MRPL49: variants seen among roughly 807,000 people sequenced by gnomAD.
MRPL49 encodes large ribosomal subunit protein mL49.
In MRPL49, 14 loss-of-function variants were observed where a neutral mutation model predicts 18.4. The observed-to-expected ratio is 0.76, with a 90% confidence interval of 0.50 to 1.19. The LOEUF is 1.19. MRPL49 is among the 50% of genes most tolerant of loss of function. The probability of loss-of-function intolerance (pLI) is 0.00; values close to 1 mark genes in which losing one functional copy is unlikely to be tolerated. For synonymous variants in MRPL49, 104 were observed against 86.2 expected (o/e 1.21, Z -1.14); for missense variants, 190 against 217.8 (o/e 0.87, Z 0.80).
chr11:65,125,831 G>A lies in MRPL49; in HGVS notation c.460G>A (p.Asp154Asn). ...TGTLRIKGYF[D>N]QELKAWLLEK... ...TACCCTACGGATCAAGGGCTACTTT[G>A]ACCAGGAGCTTAAAGCCTGGCTCTT... The change falls in exon 4 of 4, where the codon GAC becomes AAC. Residue 154 changes from aspartate to asparagine, a missense_variant. Transcript: ENST00000279242. 6.2e-7 allele frequency: 1 copy of A among 1,611,170 alleles called. No individual in the cohort carries two copies. The highest frequency in any genetic ancestry group is 8.5e-7 in the Non-Finnish European group (1 of 1,178,952).
Position 65,125,972 on chromosome 11 carries a change from T to C in MRPL49, c.*100T>C. On this transcript the variant is annotated 3_prime_UTR_variant, in exon 4 of 4. Transcript: ENST00000279242. The stretch of plus-strand genomic sequence containing the variant: ...GTGTTGGAGCCCCTGAGACAGGGGA[T>C]ACAGAAACTAGGGCTAAAGGACTTT... The C allele has an allele frequency of 7.1e-7, 1 of 1,415,248 alleles. No homozygotes were observed. The highest frequency in any genetic ancestry group is 2.4e-5 in the Admixed American group (1 of 42,094). The allele number at this position is 1,415,248 out of a possible 1,614,324, so 87.7% of individuals were successfully genotyped here. A position where few individuals can be genotyped will look rare whatever the true frequency, so the allele number is the denominator to read the frequency against.
upstream of MRPL49, chr11:65,122,286 C>G: frequency 3.8e-6 from 6 of 1,576,742 alleles, no homozygotes; most frequent in Non-Finnish European, 5.2e-6. Flanking sequence ...GCAGGCAGCT[C>G]GCGCAGGACG....
chr11:65,125,297 T>C (rs1273085704), intron 2 of MRPL49, 191 bp from the exon 3 acceptor site: 5 of 618,466 alleles, frequency 8.1e-6, no homozygotes, highest in Non-Finnish European at 1.4e-5. Context: ...TGTGGGGCCT[T>C]AGGGTACCAG....
At chr11:65,124,011 C>T (rs1485522661) in intron 1 of MRPL49, among the ~76,000 whole-genome samples, 2 of 152,020 alleles carry the variant, frequency 1.3e-5, no homozygotes, top group Admixed American at 1.3e-4. Flanking sequence ...CCTCAGCCTC[C>T]CAAGTAGCTG....
chr11:65,125,382 G>C, intron 2 of MRPL49, 106 bp from the exon 3 acceptor site: 2 of 1,488,834 alleles, frequency 1.3e-6, no homozygotes, highest in South Asian at 2.4e-5. Context: ...AGGTGGCTTG[G>C]TCCAGCTGGG....
intron 2 of MRPL49, 80 bp from the exon 3 acceptor site, chr11:65,125,408 C>T: frequency 1.3e-6 from 2 of 1,583,216 alleles, no homozygotes; most frequent in Non-Finnish European, 1.7e-6. Context: ...TGGCCCTCTG[C>T]AGACTGAGAG....
chr11:65,125,812 A>G lies in MRPL49; in HGVS notation c.441A>G (p.Leu147=). Residue 147 remains leucine (L), a synonymous_variant, in exon 4 of 4, where the codon CTA becomes CTG. Transcript: ENST00000279242. ...AGGTCAATGAGGTGACAGGTACCCT[A>G]CGGATCAAGGGCTACTTTGACCAGG... The part of the protein sequence containing the change: ...VTQVNEVTGT[L]RIKGYFDQEL... 2.5e-6 allele frequency: 4 copies of G among 1,612,592 alleles called. No homozygotes were observed. The highest frequency in any genetic ancestry group is 3.4e-6 in the Non-Finnish European group (4 of 1,179,822).
Position 65,125,429 on chromosome 11 carries a change from G to C in MRPL49, c.230-59G>C, listed in dbSNP as rs1948089844. 1.9e-6 allele frequency: 3 copies of C among 1,608,290 alleles called. No homozygotes were observed. The South Asian group carries it at 3.3e-5, about 18-fold the overall frequency. ...TCTGCAGACTGAGAGCAAGGGCCTT[G>C]GCTGAGGTGGGATGGCACGTAGGAA... On this transcript the variant is annotated intron_variant, in intron 2 of 3. Coordinates refer to ENST00000279242, the MANE Select transcript of MRPL49 (RefSeq NM_004927.4).
chr11:65,126,896 C>T lies in MRPL49; in HGVS notation c.*1024C>T, dbSNP rs1166422087. On this transcript the variant is annotated 3_prime_UTR_variant, in exon 4 of 4. Transcript: ENST00000279242. ...GCAATCAAGGCTGGGGAGGGGTTTG[C>T]AGGCAGGAATATGCTGACCTTTCAC... 1.3e-5 allele frequency: 8 copies of T among 604,720 alleles called. No homozygotes were observed. The highest frequency in any genetic ancestry group is 2.4e-5 in the Non-Finnish European group (8 of 335,436). 37.5% of individuals were successfully genotyped at this position (604,720 alleles called of 1,614,324 possible).
At chr11:65,124,397 A>G in intron 1 of MRPL49, 105 bp from the exon 2 acceptor site, 1 of 1,160,056 alleles carries the variant, frequency 8.6e-7, no homozygotes, top group East Asian at 2.4e-5. Flanking sequence ...CCTTTTATTT[A>G]TGTCATTCTC....
In MRPL49 at chr11:65,125,996, T is replaced by C; in HGVS notation, c.*124T>C. 1 of 1,209,618 alleles carries C rather than the reference T, an allele frequency of 8.3e-7. No individual in the cohort carries two copies. The highest frequency in any genetic ancestry group is 1.1e-6 in the Non-Finnish European group (1 of 872,746). 74.9% of individuals were successfully genotyped at this position (1,209,618 alleles called of 1,614,324 possible). A position where few individuals can be genotyped will look rare whatever the true frequency, so the allele number is the denominator to read the frequency against. On this transcript the variant is annotated 3_prime_UTR_variant, in exon 4 of 4. Transcript: ENST00000279242. ...ATACAGAAACTAGGGCTAAAGGACTTTGGGGTCAGGCCTTGCTTGCATAAA... is the reference window on the plus strand; with the variant it reads ...ATACAGAAACTAGGGCTAAAGGACTCTGGGGTCAGGCCTTGCTTGCATAAA...
At position 65,124,311 on chromosome 11, in the gene MRPL49, A is replaced by C. The variant is rs543297321; in HGVS notation, c.79-191A>C. 1.2e-4 allele frequency among the ~76,000 whole-genome samples: 19 copies of C among 152,176 alleles called. No individual in the cohort carries two copies. In the South Asian group the frequency reaches 2.5e-3, roughly 20 times the overall value. Reference sequence around the variant, plus strand: ...GAACTCTCTCTTCGTGGCCCTCCCTAGCTCTATTTGTTGGGATTTTTAACC... The same window carrying C: ...GAACTCTCTCTTCGTGGCCCTCCCTCGCTCTATTTGTTGGGATTTTTAACC... On this transcript the variant is annotated intron_variant, in intron 1 of 3. Coordinates refer to ENST00000279242, the MANE Select transcript of MRPL49 (RefSeq NM_004927.4).
Position 65,125,964 on chromosome 11 carries a change from A to T in MRPL49, c.*92A>T. The T allele has an allele frequency of 6.9e-7, 1 of 1,442,028 alleles. No homozygotes were observed. Among genetic ancestry groups the T allele is most frequent in the Non-Finnish European group, 9.3e-7 (1 of 1,070,356 alleles). The allele number at this position is 1,442,028 out of a possible 1,614,324, so 89.3% of individuals were successfully genotyped here. A position where few individuals can be genotyped will look rare whatever the true frequency, so the allele number is the denominator to read the frequency against. ...GGAGGTGGGTGTTGGAGCCCCTGAGACAGGGGATACAGAAACTAGGGCTAA... is the reference window on the plus strand; with the variant it reads ...GGAGGTGGGTGTTGGAGCCCCTGAGTCAGGGGATACAGAAACTAGGGCTAA... On this transcript the variant is annotated 3_prime_UTR_variant, in exon 4 of 4. Coordinates refer to ENST00000279242, the MANE Select transcript of MRPL49 (RefSeq NM_004927.4).
rs7935441 is a variant in MRPL49 at position 65,126,216 on chromosome 11, A to G, written c.*344A>G. ...AGTGGCATGATCTTGGCTCACTGCA[A>G]CTTCCACCTCTGGGATCAAGGGATT... On this transcript the variant is annotated 3_prime_UTR_variant, in exon 4 of 4. Coordinates refer to ENST00000279242, the MANE Select transcript of MRPL49 (RefSeq NM_004927.4). 3,109 of 175,546 alleles carry G rather than the reference A, an allele frequency of 0.018. 110 individuals are homozygous for G. Among genetic ancestry groups the G allele is most frequent in the African/African-American group, 0.068 (2,869 of 42,222 alleles). 10.9% of individuals were successfully genotyped at this position (175,546 alleles called of 1,614,324 possible). A position where few individuals can be genotyped will look rare whatever the true frequency, so the allele number is the denominator to read the frequency against.
At chr11:65,123,878 A>G (rs1948076499) in intron 1 of MRPL49, among the ~76,000 whole-genome samples, 1 of 152,138 alleles carries the variant, frequency 6.6e-6, no homozygotes, top group African/African-American at 2.4e-5. Context: ...ATGGCCATGC[A>G]GGAATTTGTT....
chr11:65,125,253 T>C, intron 2 of MRPL49: 1 of 515,412 alleles, frequency 1.9e-6, no homozygotes. Context: ...CTGATTTCAT[T>C]TTTTCTTGAG....
At chr11:65,125,113 T>C (rs1295909961) in intron 2 of MRPL49, 1 of 322,182 alleles carries the variant, frequency 3.1e-6, no homozygotes, top group African/African-American at 2.2e-5. Context: ...GAGCCCAGCA[T>C]ATGGTAGGTG....
At chr11:65,122,286 C>T, upstream of MRPL49, 2 of 1,576,742 alleles carry the variant, frequency 1.3e-6, no homozygotes, top group East Asian at 2.3e-5. Context: ...GCAGGCAGCT[C>T]GCGCAGGACG....
Position 65,124,642 on chromosome 11 carries a change from G to A in MRPL49, c.219G>A (p.Gln73=), listed in dbSNP as rs765740995. ...HEHYPTPSGW[Q]PPRDPPPNLP... is the part of the protein sequence containing the mutation. ...ATTATCCTACCCCTAGTGGCTGGCA[G>A]CCTCCCAGAGGTGAGCTGGGTGGTT... is the stretch of plus-strand genomic sequence containing the variant. The change falls in exon 2 of 4, where the codon CAG becomes CAA. Residue 73 remains glutamine, a synonymous_variant. Coordinates refer to ENST00000279242, the MANE Select transcript of MRPL49 (RefSeq NM_004927.4). 1 of 1,614,098 alleles carries A rather than the reference G, an allele frequency of 6.2e-7. No individual in the cohort carries two copies. Among genetic ancestry groups the A allele is most frequent in the South Asian group, 1.1e-5 (1 of 91,070 alleles).
Sources: allele counts gnomAD v4.1 joint callset (sites outside exome capture counted in the v4.1 genomes callset), GRCh38; gene constraint gnomAD v4.1.1; transcripts MANE v1.5; gene names NCBI Gene and HGNC (gene_info 2026-07-23, HGNC 2026-07-21).